SRGAP3: variants seen among roughly 807,000 people sequenced by gnomAD.
The protein encoded by SRGAP3 is SLIT-ROBO Rho GTPase activating protein 3.
Under a neutral mutation model 121.1 loss-of-function variants are expected in SRGAP3, and 39 were observed. That is an observed-to-expected ratio of 0.32 (90% CI 0.25 to 0.42). The LOEUF (loss-of-function observed/expected upper bound fraction) is 0.42. SRGAP3 is among the 10% of genes least tolerant of loss of function. The pLI is 1.00. For missense variants in SRGAP3, 1,213 were observed against 1,470.6 expected (o/e 0.82, Z 2.86); for synonymous variants, 601 against 570.0 (o/e 1.05, Z -0.77).
chr3:9,251,007 A>G (rs1954000631), upstream of SRGAP3, among the ~76,000 whole-genome samples: 1 of 152,194 alleles, frequency 6.6e-6, no homozygotes. Flanking sequence ...ATAGTCTTCC[A>G]TTTGCCTTTT....
At chr3:9,053,305 CT>C in intron 8 of SRGAP3, 81 bp from the exon 9 acceptor site, 1 of 1,373,534 alleles carries the variant, frequency 7.3e-7, no homozygotes, top group Non-Finnish European at 1.0e-6. Flanking sequence ...CCAGCTGTCA[CT>C]TTACTTCTTC....
At position 8,985,885 on chromosome 3, in the gene SRGAP3, G is replaced by C; in HGVS notation, c.2934C>G (p.Leu978=). The change falls in exon 22 of 22, where the codon CTC becomes CTG. Residue 978 remains leucine, a synonymous_variant. Coordinates refer to ENST00000383836, the MANE Select transcript of SRGAP3 (RefSeq NM_014850.4). This position sits in a 1 kb window ranked among gnomAD's most constrained non-coding sequence, Gnocchi z 5.1. ...CCTGCTTGACCGTGTTCTGCCTCTCGAGTTCCCGCAACTCGTGCAGAGCCG... is the reference window on the plus strand; with the variant it reads ...CCTGCTTGACCGTGTTCTGCCTCTCCAGTTCCCGCAACTCGTGCAGAGCCG... ...MSTALHELRE[L]ERQNTVKQAP... is the part of the protein sequence containing the mutation. 7 of 1,599,902 alleles carry C rather than the reference G, an allele frequency of 4.4e-6. No individual in the cohort carries two copies. The highest frequency in any genetic ancestry group is 5.9e-6 in the Non-Finnish European group (7 of 1,179,918).
intron 1 of SRGAP3, among the ~76,000 whole-genome samples, chr3:9,337,955 C>A (rs1955719199): frequency 6.6e-6 from 1 of 152,174 alleles, no homozygotes. Flanking sequence ...TTTTACTTAA[C>A]ACCTATTAAT....
At chr3:8,990,925 C>T (rs1942019912) in intron 20 of SRGAP3, 86 bp from the exon 21 acceptor site, 1 of 1,190,500 alleles carries the variant, frequency 8.4e-7, no homozygotes. Flanking sequence ...CCATGCCACA[C>T]ACTACACGCT....
intron 3 of SRGAP3, among the ~76,000 whole-genome samples, chr3:9,280,537 G>A (rs562209830): frequency 8.5e-4 from 129 of 152,280 alleles, no homozygotes; most frequent in Non-Finnish European, 1.6e-3. Context: ...CAGCTGCCTC[G>A]CCCAATTTCT....
At chr3:9,111,280 G>T (rs1379735272) in intron 2 of SRGAP3, among the ~76,000 whole-genome samples, 1 of 152,194 alleles carries the variant, frequency 6.6e-6, no homozygotes, top group Non-Finnish European at 1.5e-5. Flanking sequence ...AAGGGGGCTG[G>T]CCTGATTTGT....
At chr3:9,127,868 T>C (rs529970162) in intron 1 of SRGAP3, among the ~76,000 whole-genome samples, 1 of 149,008 alleles carries the variant, frequency 6.7e-6, no homozygotes, top group South Asian at 2.1e-4. Context: ...CAGTGAGCCA[T>C]GACCATACCA....
chr3:9,211,879 T>C (rs953413440), intron 1 of SRGAP3, among the ~76,000 whole-genome samples: 1 of 152,058 alleles, frequency 6.6e-6, no homozygotes, highest in African/African-American at 2.4e-5. Context: ...TCTCGCTATG[T>C]TGCCCTGGCT....
chr3:9,357,944 G>C (rs753939499), intron 1 of SRGAP3, among the ~76,000 whole-genome samples: 1 of 151,380 alleles, frequency 6.6e-6, no homozygotes, highest in African/African-American at 2.4e-5. Context: ...GCACAATCCC[G>C]GCTCATTGCA....
intron 3 of SRGAP3, chr3:9,257,014 A>G (rs899780339): frequency 2.5e-6 from 1 of 396,360 alleles, no homozygotes; most frequent in African/African-American, 2.1e-5. Context: ...AGTGCCACAT[A>G]AGCATCTGTT....
chr3:9,126,989 A>G (rs187928579), intron 1 of SRGAP3, among the ~76,000 whole-genome samples: 1 of 152,288 alleles, frequency 6.6e-6, no homozygotes, highest in African/African-American at 2.4e-5. Context: ...TAAAAAGTTG[A>G]TATTTGGAAA....
At chr3:8,990,351 C>CTT (rs2124925131) in intron 21 of SRGAP3, among the ~76,000 whole-genome samples, 161 bp downstream of exon 21, 1 of 152,372 alleles carries the variant, frequency 6.6e-6, no homozygotes, top group African/African-American at 2.4e-5. Flanking sequence ...TCCACTCCCA[C>CTT]GGGAAGCCCA....
intron 4 of SRGAP3, among the ~76,000 whole-genome samples, chr3:9,070,592 T>C (rs1237209871): frequency 6.6e-6 from 1 of 152,000 alleles, no homozygotes; most frequent in African/African-American, 2.4e-5. Context: ...GGTAGATGGA[T>C]GGATGGACAG....
At chr3:9,028,274 C>T (rs1944310903) in intron 12 of SRGAP3, 5 of 1,167,208 alleles carry the variant, frequency 4.3e-6, no homozygotes, top group Non-Finnish European at 6.2e-6. Context: ...GGGGAGCCTG[C>T]CAAACAGCCG....
rs538536349 is a variant in SRGAP3, at chr3:9,342,531, A to C, written n.215-11935T>G. ...TTTCTTGACTTCTCTGGCAGCTGCCATTGTTGACAATTTCTTCCCTGATAT... is the reference window on the plus strand; with the variant it reads ...TTTCTTGACTTCTCTGGCAGCTGCCCTTGTTGACAATTTCTTCCCTGATAT... On this transcript the variant is annotated intron_variant and non_coding_transcript_variant, in intron 1 of 3. Transcript: ENST00000490889. Among the ~76,000 whole-genome samples, 14 of 152,192 alleles carry C rather than the reference A, an allele frequency of 9.2e-5. No homozygotes were observed. In the East Asian group the frequency reaches 2.5e-3, roughly 27 times the overall value.
intron 1 of SRGAP3, among the ~76,000 whole-genome samples, chr3:9,342,153 C>T (rs2728942): frequency 0.14 from 21,032 of 152,038 alleles, 2,113 homozygotes; most frequent in East Asian, 0.36. Context: ...GAGTTGGAGA[C>T]GAGTCTGGCC....
At chr3:9,098,571 T>C (rs1246711807) in intron 3 of SRGAP3, among the ~76,000 whole-genome samples, 4 of 152,202 alleles carry the variant, frequency 2.6e-5, no homozygotes, top group Admixed American at 6.5e-5. Context: ...GACTCTATCT[T>C]CTTTGGCACC....
chr3:9,164,848 G>A (rs190243021), intron 1 of SRGAP3, among the ~76,000 whole-genome samples: 92 of 152,328 alleles, frequency 6.0e-4, no homozygotes, highest in African/African-American at 2.1e-3. Context: ...TTGATCCACA[G>A]AGAAATCCTC....
At chr3:9,054,629 T>C (rs1440287886) in intron 8 of SRGAP3, among the ~76,000 whole-genome samples, 1 of 152,224 alleles carries the variant, frequency 6.6e-6, no homozygotes, top group African/African-American at 2.4e-5. Context: ...AGGGCTGTAT[T>C]ACAGGCCATT....
Sources: allele counts gnomAD v4.1 joint callset (sites outside exome capture counted in the v4.1 genomes callset), GRCh38; gene constraint gnomAD v4.1.1; non-coding constraint Gnocchi (gnomAD v3.1); transcripts MANE v1.5; gene names NCBI Gene and HGNC (gene_info 2026-07-23, HGNC 2026-07-21).